The following MACROH2A1 variants were observed in gnomAD, a reference collection of about 807,000 sequenced individuals.
MACROH2A1 encodes the protein macroH2A.1 histone.
Under a neutral mutation model 31.6 loss-of-function variants are expected in MACROH2A1, and 2 were observed. The ratio of observed to expected loss-of-function variants is 0.06; its 90% CI spans 0.03 to 0.20. The LOEUF is 0.20. MACROH2A1 is among the 10% of genes least tolerant of loss of function. The probability of loss-of-function intolerance (pLI) is 1.00; values close to 1 mark genes in which losing one functional copy is unlikely to be tolerated. For missense variants in MACROH2A1, 230 were observed against 474.0 expected, an observed-to-expected ratio of 0.49 and a Z score of 4.78; for synonymous variants, 169 against 189.6, an observed-to-expected ratio of 0.89 and a Z score of 0.89.
chr5:135,369,321 G>T lies in MACROH2A1; in HGVS notation c.477+85C>A, dbSNP rs1581254552. The stretch of plus-strand genomic sequence containing the variant: ...CTCCCATCAGTGGGATGAGCCCACA[G>T]GGGGAATGAGGGGGGTGCCCTGGTA... On this transcript the variant is annotated intron_variant, in intron 4 of 8. Transcript: ENST00000511689. The surrounding 1 kb of genome is among the most constrained non-coding windows in gnomAD (Gnocchi z 4.3). 9.2e-7 allele frequency: 1 copy of T among 1,083,500 alleles called. No individual in the cohort carries two copies. The allele number at this position is 1,083,500 out of a possible 1,614,324, so 67.1% of individuals were successfully genotyped here.
intron 6 of MACROH2A1, among the ~76,000 whole-genome samples, chr5:135,348,570 A>G (rs1394165795): frequency 6.6e-6 from 1 of 152,260 alleles, no homozygotes; most frequent in Non-Finnish European, 1.5e-5. Flanking sequence ...AATATGAGAA[A>G]TGGAGTGATT....
intron 5 of MACROH2A1, chr5:135,357,683 A>G (rs1036215492): frequency 1.0e-6 from 1 of 973,810 alleles, no homozygotes; most frequent in Non-Finnish European, 1.2e-6. Context: ...AAAAGGCTGC[A>G]AATCTTGGCT....
intron 1 of MACROH2A1, 185 bp from the exon 2 acceptor site, chr5:135,389,311 T>C: frequency 2.4e-6 from 1 of 422,846 alleles, no homozygotes; most frequent in Non-Finnish European, 4.2e-6. Flanking sequence ...AAAGAAAGGC[T>C]TGGCTTTGCA....
chr5:135,337,879 G>T, intron 8 of MACROH2A1: 1 of 970,158 alleles, frequency 1.0e-6, no homozygotes, highest in Non-Finnish European at 1.3e-6. Context: ...ACATGAATCT[G>T]GATTTGTTTC....
At chr5:135,360,302 A>G in intron 5 of MACROH2A1, 195 bp downstream of exon 5, 1 of 591,182 alleles carries the variant, frequency 1.7e-6, no homozygotes. Flanking sequence ...CCCAGCTGCC[A>G]GGGTCCTCCC....
Position 135,389,000 on chromosome 5 carries a change from T to G in MACROH2A1, c.94A>C (p.Ile32Leu), listed in dbSNP as rs1458785556. ...CTGTACTTGGGGTGGCCTTTCTTGATGTACCGCAGCATCCGCCCCACGGGA... is the reference window on the plus strand; with the variant it reads ...CTGTACTTGGGGTGGCCTTTCTTGAGGTACCGCAGCATCCGCCCCACGGGA... ...IFPVGRMLRYIKKGHPKYRIG... is the reference protein window; with the variant it reads ...IFPVGRMLRYLKKGHPKYRIG... Residue 32 changes from isoleucine to leucine, a missense_variant, in exon 2 of 9, where the codon ATC becomes CTC. Ile to Leu is a conservative substitution (Grantham distance 5). Transcript: ENST00000511689. 1.7e-5 allele frequency: 28 copies of G among 1,613,904 alleles called. No homozygotes were observed. The highest frequency in any genetic ancestry group is 2.7e-5 in the African/African-American group (2 of 74,928).
chr5:135,352,945 C>T lies in MACROH2A1; in HGVS notation c.688+1G>A. ...TGGTGCCGAACCCCGTCCCCAATTA[C>T]CTAGGTCATCTTTAAGGTCAATGTC... On this transcript the variant is annotated splice_donor_variant, in intron 6 of 8. Transcript: ENST00000511689. LOFTEE classifies it high-confidence loss of function. 1 of 1,499,318 alleles carries T rather than the reference C, an allele frequency of 6.7e-7. No individual in the cohort carries two copies. Among genetic ancestry groups the T allele is most frequent in the Non-Finnish European group, 9.3e-7 (1 of 1,075,520 alleles). 92.9% of individuals were successfully genotyped at this position (1,499,318 alleles called of 1,614,324 possible).
intron 1 of MACROH2A1, among the ~76,000 whole-genome samples, chr5:135,396,612 C>T (rs936405509): frequency 9.2e-5 from 14 of 151,966 alleles, no homozygotes; most frequent in African/African-American, 3.4e-4. Flanking sequence ...CCTGCTTGAC[C>T]TTTCCAAGCC....
chr5:135,355,286 T>C, intron 5 of MACROH2A1: 1 of 456,052 alleles, frequency 2.2e-6, no homozygotes, highest in Non-Finnish European at 4.4e-6. Flanking sequence ...TCCTTTGGAC[T>C]CACTACCTTC....
chr5:135,368,414 C>G (rs556290936), intron 4 of MACROH2A1, among the ~76,000 whole-genome samples: 6 of 152,370 alleles, frequency 3.9e-5, no homozygotes, highest in African/African-American at 1.4e-4. Flanking sequence ...AACTTCCTGA[C>G]ACTGCATCAT....
chr5:135,373,693 C>G (rs111249506), intron 2 of MACROH2A1, among the ~76,000 whole-genome samples: 3,795 of 152,250 alleles, frequency 0.025, 68 homozygotes, highest in Middle Eastern at 0.048. Context: ...GCCTTCTTTA[C>G]CAAGGAGCCC....
At chr5:135,357,410 G>A (rs1018179525) in intron 5 of MACROH2A1, 5 of 152,178 alleles carry the variant, frequency 3.3e-5, no homozygotes, top group African/African-American at 9.7e-5. Flanking sequence ...CAGCTCCCGG[G>A]AGAAGGGTAT....
intron 2 of MACROH2A1, among the ~76,000 whole-genome samples, 168 bp downstream of exon 2, chr5:135,388,754 T>C (rs990991469): frequency 6.6e-6 from 1 of 152,244 alleles, no homozygotes; most frequent in African/African-American, 2.4e-5. Context: ...TGAGGCAAGA[T>C]GTTAACAACT....
intron 2 of MACROH2A1, among the ~76,000 whole-genome samples, chr5:135,386,783 C>T (rs946026473): frequency 9.2e-5 from 14 of 152,156 alleles, no homozygotes; most frequent in African/African-American, 2.9e-4. Flanking sequence ...TGAGATATGA[C>T]AAAGCAATGG....
intron 8 of MACROH2A1, among the ~76,000 whole-genome samples, chr5:135,337,321 T>C (rs953923407): frequency 6.6e-5 from 10 of 152,148 alleles, no homozygotes; most frequent in African/African-American, 2.2e-4. Context: ...CCACACAAGC[T>C]GGGTGAGATG....
intron 6 of MACROH2A1, among the ~76,000 whole-genome samples, chr5:135,349,126 A>G (rs571391542): frequency 8.5e-5 from 13 of 152,292 alleles, no homozygotes; most frequent in African/African-American, 2.9e-4. Context: ...AGGCTGCAGC[A>G]GGCAGGCCAA....
chr5:135,397,691 A>C (rs1768208768), intron 1 of MACROH2A1, among the ~76,000 whole-genome samples: 1 of 152,222 alleles, frequency 6.6e-6, no homozygotes, highest in African/African-American at 2.4e-5. Flanking sequence ...GCTGCTGCCC[A>C]ACTCTAGTTA....
chr5:135,334,568 T>C lies in MACROH2A1; in HGVS notation c.*408A>G. ...CTGAGGGGGGAAACCAAAAGAACAT[T>C]AGAGTAAAAAGAACGCCACTGGAGG... On this transcript the variant is annotated 3_prime_UTR_variant, in exon 9 of 9. Coordinates refer to ENST00000511689, the MANE Select transcript of MACROH2A1 (RefSeq NM_138610.3). The C allele has an allele frequency of 5.6e-6, 1 of 179,696 alleles. No individual in the cohort carries two copies. Among genetic ancestry groups the C allele is most frequent in the Non-Finnish European group, 1.2e-5 (1 of 85,434 alleles). The allele number at this position is 179,696 out of a possible 1,614,324, so 11.1% of individuals were successfully genotyped here.
chr5:135,373,603 G>C (rs1206671179), intron 2 of MACROH2A1, among the ~76,000 whole-genome samples: 1 of 152,192 alleles, frequency 6.6e-6, no homozygotes. Context: ...GTGACAGTGA[G>C]TAGCAAGGTG....
Sources: gnomAD v4.1 joint callset for allele counts (sites outside exome capture counted in the v4.1 genomes callset) on GRCh38, gnomAD v4.1.1 for gene constraint, Gnocchi (gnomAD v3.1) non-coding constraint, MANE v1.5 for transcripts, NCBI Gene and HGNC (gene_info 2026-07-23, HGNC 2026-07-21) for gene names.